Variants in FER observed in about 807,000 individuals in gnomAD.
The protein encoded by FER is FER tyrosine kinase, also known as tyrosine-protein kinase Fer.
A neutral mutation model predicts 111.0 loss-of-function variants in FER; 63 were observed. That is an observed-to-expected ratio of 0.57 (90% confidence interval 0.46 to 0.70). The LOEUF (loss-of-function observed/expected upper bound fraction) is 0.70. Ranked by LOEUF, FER falls within the 30% of genes least tolerant of loss-of-function variation. The pLI is 0.00. For synonymous variants in FER, 327 were observed against 313.9 expected (o/e 1.04, Z -0.44); for missense variants, 914 against 954.0 (o/e 0.96, Z 0.55).
intron 3 of FER, among the ~76,000 whole-genome samples, chr5:108,806,338 C>A (rs550334075): frequency 6.6e-6 from 1 of 152,198 alleles, no homozygotes; most frequent in African/African-American, 2.4e-5. Flanking sequence ...TCCTGGAGAA[C>A]CTCTGCTAGG....
At chr5:108,878,940 A>G (rs561532301) in intron 8 of FER, among the ~76,000 whole-genome samples, 1 of 152,234 alleles carries the variant, frequency 6.6e-6, no homozygotes, top group South Asian at 2.1e-4. Flanking sequence ...CTTGGGCTCT[A>G]TTATCAGCTT....
chr5:108,867,427 T>A (rs1764174136), intron 5 of FER, among the ~76,000 whole-genome samples: 1 of 152,116 alleles, frequency 6.6e-6, no homozygotes, highest in African/African-American at 2.4e-5. Context: ...ACTTTCTTGG[T>A]TTCTTGGTTT....
chr5:109,038,255 T>C (rs1318403598), intron 14 of FER, among the ~76,000 whole-genome samples: 6 of 151,914 alleles, frequency 3.9e-5, no homozygotes, highest in African/African-American at 1.4e-4. Context: ...CATTAATATA[T>C]AAAAATGTGA....
chr5:109,057,849 T>C (rs1773843919), intron 16 of FER, among the ~76,000 whole-genome samples: 1 of 152,156 alleles, frequency 6.6e-6, no homozygotes, highest in Non-Finnish European at 1.5e-5. Context: ...AAAGTTGAAA[T>C]TGAAGAATAT....
chr5:108,764,855 G>A (rs186993937), intron 1 of FER, among the ~76,000 whole-genome samples: 2 of 152,122 alleles, frequency 1.3e-5, no homozygotes, highest in South Asian at 4.1e-4. Context: ...CCAGGACTAG[G>A]GTAAGGCAAG....
chr5:109,131,557 A>C (rs892691670), intron 17 of FER, among the ~76,000 whole-genome samples: 1 of 152,150 alleles, frequency 6.6e-6, no homozygotes, highest in African/African-American at 2.4e-5. Flanking sequence ...TTTAACATTT[A>C]CATTATTTCA....
chr5:109,125,818 A>C (rs1457935605), intron 17 of FER, among the ~76,000 whole-genome samples: 2 of 152,336 alleles, frequency 1.3e-5, no homozygotes, highest in Admixed American at 6.5e-5. Context: ...TTTTAGAATA[A>C]GAACATTCCC....
rs187324819 is a variant in FER, at chr5:109,179,524, G to T, written c.2049-1223G>T. ...ACTTTTAAAATGTTAAACCAACCTTGTGTTACTAGGACAAGCTCCACTTGG... is the reference window on the plus strand; with the variant it reads ...ACTTTTAAAATGTTAAACCAACCTTTTGTTACTAGGACAAGCTCCACTTGG... On this transcript the variant is annotated intron_variant, in intron 17 of 19. Coordinates refer to ENST00000281092, the MANE Select transcript of FER (RefSeq NM_005246.4). Among the ~76,000 whole-genome samples the T allele has an allele frequency of 1.8e-4, 27 of 152,214 alleles. No homozygotes were observed. The East Asian group carries it at 2.9e-3, about 16-fold the overall frequency.
intron 17 of FER, among the ~76,000 whole-genome samples, chr5:109,168,166 G>A (rs181947481): frequency 1.2e-3 from 177 of 152,296 alleles, no homozygotes; most frequent in African/African-American, 4.1e-3. Context: ...TTCTAGTAAT[G>A]TCCCGGTATC....
intron 5 of FER, among the ~76,000 whole-genome samples, chr5:108,849,141 T>A (rs1284426274): frequency 2.0e-5 from 3 of 152,286 alleles, no homozygotes; most frequent in Admixed American, 2.0e-4. Context: ...ATTAAAGTTT[T>A]AATTTATGTT....
At chr5:108,987,298 T>C (rs1051874216) in intron 13 of FER, among the ~76,000 whole-genome samples, 1 of 152,044 alleles carries the variant, frequency 6.6e-6, no homozygotes, top group Non-Finnish European at 1.5e-5. Context: ...ATACAAAAAT[T>C]AGCCGGGCAT....
At chr5:109,052,845 A>G (rs1773033169) in intron 16 of FER, among the ~76,000 whole-genome samples, 1 of 152,168 alleles carries the variant, frequency 6.6e-6, no homozygotes, top group African/African-American at 2.4e-5. Context: ...AGATTTTGCT[A>G]AATTTTCCTA....
chr5:109,183,189 C>T (rs1006696082), intron 18 of FER, among the ~76,000 whole-genome samples: 19 of 151,484 alleles, frequency 1.3e-4, no homozygotes, highest in African/African-American at 4.4e-4. Context: ...CCTAGCAACC[C>T]AGAGAAGTTT....
chr5:108,992,682 AC>A (rs1440402692), intron 13 of FER, among the ~76,000 whole-genome samples: 1 of 138,196 alleles, frequency 7.2e-6, no homozygotes. Context: ...GCGGGGGCTG[AC>A]CCCCACCTCC....
chr5:108,969,566 G>A lies in FER; in HGVS notation c.1656+10219G>A, dbSNP rs949859543. ...GGGGAGGTGGTTGAAATTGAAAGCA[G>A]AGGTTTAGGGGAAACTTTTTACTTG... On this transcript the variant is annotated intron_variant, in intron 13 of 19. Coordinates refer to ENST00000281092, the MANE Select transcript of FER (RefSeq NM_005246.4). Among the ~76,000 whole-genome samples, 12 of 151,970 alleles carry A rather than the reference G, an allele frequency of 7.9e-5. 1 individual carries two copies. The highest frequency in any genetic ancestry group is 2.6e-4 in the Admixed American group (4 of 15,274).
intron 17 of FER, among the ~76,000 whole-genome samples, chr5:109,121,901 C>T (rs1035061152): frequency 2.6e-5 from 4 of 151,902 alleles, no homozygotes; most frequent in South Asian, 2.1e-4. Context: ...TCATAGTAGC[C>T]GCTAATGATC....
At chr5:109,146,669 T>C (rs1026262827) in intron 17 of FER, among the ~76,000 whole-genome samples, 37 of 152,154 alleles carry the variant, frequency 2.4e-4, no homozygotes, top group African/African-American at 8.7e-4. Flanking sequence ...TATGTGTGCC[T>C]CACAAAAGAC....
rs7725374 is a variant in FER, at chr5:109,049,908, G to A, written c.1924+2710G>A. On this transcript the variant is annotated intron_variant, in intron 16 of 19. Transcript: ENST00000281092. The stretch of plus-strand genomic sequence containing the variant: ...TTTCAACCTCTCTTGCATTCCAAAT[G>A]AAATCTTAGTGCAAACATCAAAGTT... Among the ~76,000 whole-genome samples, 36 of 152,266 alleles carry A rather than the reference G, an allele frequency of 2.4e-4. 1 individual carries two copies. The highest frequency in any genetic ancestry group is 8.4e-4 in the African/African-American group (35 of 41,558).
intron 10 of FER, among the ~76,000 whole-genome samples, chr5:108,917,066 A>C (rs911722043): frequency 6.6e-6 from 1 of 152,132 alleles, no homozygotes; most frequent in Admixed American, 6.5e-5. Flanking sequence ...AGAAAATTTC[A>C]TTGCCAGTCT....
Sources: gnomAD v4.1 joint callset for allele counts (sites outside exome capture counted in the v4.1 genomes callset) on GRCh38, gnomAD v4.1.1 for gene constraint, MANE v1.5 for transcripts, NCBI Gene and HGNC (gene_info 2026-07-23, HGNC 2026-07-21) for gene names.